Variants in HNRNPC observed in about 807,000 individuals in gnomAD.
HNRNPC encodes heterogeneous nuclear ribonucleoprotein C.
In HNRNPC, 3 loss-of-function variants were observed where a neutral mutation model predicts 33.2. The observed-to-expected ratio is 0.09, with a 90% CI of 0.04 to 0.23. The LOEUF (loss-of-function observed/expected upper bound fraction) is 0.23, where lower values mean the gene tolerates loss of function less well. Ranked by LOEUF, HNRNPC falls within the 10% of genes least tolerant of loss-of-function variation. HNRNPC has a pLI of 1.00. For synonymous variants in HNRNPC, 121 were observed against 126.7 expected, an observed-to-expected ratio of 0.96 and a Z score of 0.30; for missense variants, 143 against 366.7, an observed-to-expected ratio of 0.39 and a Z score of 4.98.
intron 4 of HNRNPC, chr14:21,230,691 G>GATGATCCTGTAT: frequency 4.2e-6 from 2 of 477,950 alleles, no homozygotes; most frequent in South Asian, 7.5e-5. Flanking sequence ...TAGTGTCTTA[G>GATGATCCTGTAT]AAGCTCAACG....
intron 2 of HNRNPC, among the ~76,000 whole-genome samples, chr14:21,245,778 C>T (rs1044560542): frequency 2.6e-5 from 4 of 152,122 alleles, no homozygotes; most frequent in African/African-American, 9.7e-5. Context: ...TTAGCCTAAG[C>T]CTATAGGTGT....
intron 4 of HNRNPC, 102 bp from the exon 5 acceptor site, chr14:21,230,468 T>A (rs1322910141): frequency 2.6e-6 from 2 of 775,794 alleles, no homozygotes; most frequent in Admixed American, 4.2e-5. Context: ...AACAAATAGA[T>A]CAACAAGATT....
At chr14:21,246,076 G>A (rs1267762198) in intron 2 of HNRNPC, among the ~76,000 whole-genome samples, 2 of 151,912 alleles carry the variant, frequency 1.3e-5, no homozygotes, top group Non-Finnish European at 1.5e-5. Context: ...TGCTTGCCTC[G>A]GCCTCCCAAA....
chr14:21,237,614 G>T (rs1894849483), intron 2 of HNRNPC, among the ~76,000 whole-genome samples: 1 of 152,178 alleles, frequency 6.6e-6, no homozygotes, highest in Non-Finnish European at 1.5e-5. Context: ...TCTCTAGGTA[G>T]TATGGTGTGG....
At position 21,212,015 on chromosome 14, in the gene HNRNPC, C is replaced by A; in HGVS notation, c.524-92G>T. ...GCCACCAGACTACATCAGGAGCTCA[C>A]AGGAGATACCCAGGGAGAAACAGAG... is the stretch of plus-strand genomic sequence containing the variant. On this transcript the variant is annotated intron_variant, in intron 6 of 8. Transcript: ENST00000553300. 1.2e-5 allele frequency: 11 copies of A among 956,084 alleles called. 1 individual carries two copies. The South Asian group carries it at 1.6e-4, about 13-fold the overall frequency. The allele number at this position is 956,084 out of a possible 1,614,324, so 59.2% of individuals were successfully genotyped here.
At chr14:21,230,531 CCTT>C (rs1237953632) in intron 4 of HNRNPC, 165 bp from the exon 5 acceptor site, 5 of 575,610 alleles carry the variant, frequency 8.7e-6, no homozygotes, top group Non-Finnish European at 9.4e-6. Flanking sequence ...ATTCCAATCA[CCTT>C]AGACCACTGG....
chr14:21,217,951 G>T (rs140317591), intron 5 of HNRNPC, among the ~76,000 whole-genome samples: 1 of 152,018 alleles, frequency 6.6e-6, no homozygotes. Flanking sequence ...CAGTCAAAAA[G>T]AATCTAGTCT....
rs552694048 is a variant in HNRNPC at position 21,266,999 on chromosome 14, G to A, written c.-63+2299C>T. On this transcript the variant is annotated intron_variant, in intron 1 of 8. Transcript: ENST00000553300. ...CCAGCTACTCGGGAAGCCGAGGCAG[G>A]AGAATCGCTTGAACCCGGGAGGCGG... Among the ~76,000 whole-genome samples, 524 of 149,416 alleles carry A rather than the reference G, an allele frequency of 3.5e-3. 4 individuals carry two copies. The highest frequency in any genetic ancestry group is 5.7e-3 in the Non-Finnish European group (388 of 67,654).
intron 2 of HNRNPC, among the ~76,000 whole-genome samples, chr14:21,259,224 T>C (rs909026861): frequency 6.6e-6 from 1 of 152,328 alleles, no homozygotes; most frequent in South Asian, 2.1e-4. Flanking sequence ...AGCTTCACCA[T>C]TAGCTACTTC....
intron 2 of HNRNPC, among the ~76,000 whole-genome samples, chr14:21,242,475 C>T (rs893954730): frequency 7.2e-5 from 11 of 152,178 alleles, no homozygotes; most frequent in Admixed American, 2.0e-4. Flanking sequence ...CAGTGCAAGA[C>T]TCCGTCTCAA....
chr14:21,251,362 T>C (rs368666901), intron 2 of HNRNPC, among the ~76,000 whole-genome samples: 5 of 150,440 alleles, frequency 3.3e-5, no homozygotes, highest in African/African-American at 1.2e-4. Flanking sequence ...TGTAACAAAG[T>C]ATACTTTAAG....
intron 5 of HNRNPC, among the ~76,000 whole-genome samples, chr14:21,223,987 A>G (rs143761962): frequency 1.9e-4 from 29 of 152,266 alleles, no homozygotes; most frequent in African/African-American, 6.5e-4. Flanking sequence ...GTAGCCTAGA[A>G]GTCTCCTGCT....
intron 2 of HNRNPC, among the ~76,000 whole-genome samples, chr14:21,255,298 T>C (rs750348090): frequency 7.2e-5 from 11 of 152,154 alleles, no homozygotes; most frequent in African/African-American, 2.4e-4. Context: ...TCAATATAAT[T>C]AGAAAACAGG....
At chr14:21,257,562 A>G (rs75520117) in intron 2 of HNRNPC, among the ~76,000 whole-genome samples, 3 of 138,718 alleles carry the variant, frequency 2.2e-5, no homozygotes, top group South Asian at 2.1e-4. Context: ...TAAGTCTTAG[A>G]AAAAAAAAAA....
intron 2 of HNRNPC, among the ~76,000 whole-genome samples, chr14:21,241,158 G>A (rs976734573): frequency 6.6e-6 from 1 of 151,100 alleles, no homozygotes; most frequent in African/African-American, 2.4e-5. Flanking sequence ...TACTCGGGGG[G>A]CTGAGGCAAA....
chr14:21,242,318 A>T (rs1214014584), intron 2 of HNRNPC, among the ~76,000 whole-genome samples: 1 of 152,204 alleles, frequency 6.6e-6, no homozygotes, highest in Non-Finnish European at 1.5e-5. Context: ...CCCCATCTCT[A>T]CAAAAAATAC....
rs1022273488 is a variant in HNRNPC, at chr14:21,222,991, G to A, written c.365+7328C>T. ...TGAGGCGGCCAGATCTCGAGGTCAG[G>A]TGTTCGAGACTAGCCTGCCCAACAC... On this transcript the variant is annotated intron_variant, in intron 5 of 8. Transcript: ENST00000553300. 1.4e-4 allele frequency among the ~76,000 whole-genome samples: 21 copies of A among 152,066 alleles called. 1 individual carries two copies. Among genetic ancestry groups the A allele is most frequent in the African/African-American group, 4.4e-4 (18 of 41,366 alleles).
intron 8 of HNRNPC, 47 bp from the exon 9 acceptor site, chr14:21,211,353 T>C (rs1163045328): frequency 6.2e-7 from 1 of 1,612,802 alleles, no homozygotes; most frequent in African/African-American, 1.3e-5. Flanking sequence ...GCACTCCATG[T>C]GTCCCTGAGC....
Position 21,243,839 on chromosome 14 carries a change from G to T in HNRNPC, c.-36-9610C>A, listed in dbSNP as rs564410296. 1.2e-3 allele frequency among the ~76,000 whole-genome samples: 189 copies of T among 152,218 alleles called. 2 individuals are homozygous for T. Among genetic ancestry groups the T allele is most frequent in the Non-Finnish European group, 2.2e-3 (150 of 67,998 alleles). The stretch of plus-strand genomic sequence containing the variant: ...ACAAAAACATGGTAGAATACTTACT[G>T]ACTGGAAAACATCTACCACGTAGAG... On this transcript the variant is annotated intron_variant, in intron 2 of 8. Transcript: ENST00000553300.
Sources: gnomAD v4.1 joint callset for allele counts (sites outside exome capture counted in the v4.1 genomes callset) on GRCh38, gnomAD v4.1.1 for gene constraint, MANE v1.5 for transcripts, NCBI Gene and HGNC (gene_info 2026-07-23, HGNC 2026-07-21) for gene names.